Variants in TGFBR3 observed in about 807,000 individuals in gnomAD.
TGFBR3 encodes the protein transforming growth factor beta receptor type 3.
TGFBR3 carries 46 observed loss-of-function variants against 87.9 expected under a neutral mutation model. The observed-to-expected ratio is 0.52, with a 90% CI of 0.41 to 0.67. TGFBR3 has a LOEUF of 0.67. TGFBR3 is among the 30% of genes least tolerant of loss of function. The pLI is 0.00. For synonymous variants in TGFBR3, 381 were observed against 391.6 expected (o/e 0.97, Z 0.32); for missense variants, 866 against 1,041.9 (o/e 0.83, Z 2.32).
In TGFBR3 at chr1:91,680,542, A is replaced by G. The variant is rs1257375012; in HGVS notation, c.*3197T>C. 1 of 453,990 alleles carries G rather than the reference A, an allele frequency of 2.2e-6. No individual in the cohort carries two copies. The allele number at this position is 453,990 out of a possible 1,614,324, so 28.1% of individuals were successfully genotyped here. ...TCATAGATGATGAAAACCAGCAACA[A>G]AATCAGGCTCATTCAGGAAAAACCA... On this transcript the variant is annotated 3_prime_UTR_variant, in exon 17 of 17. Transcript: ENST00000212355.
chr1:91,796,456 G>A (rs1292371402), intron 3 of TGFBR3, among the ~76,000 whole-genome samples: 3 of 152,166 alleles, frequency 2.0e-5, no homozygotes, highest in Non-Finnish European at 4.4e-5. Flanking sequence ...CACCATCTCC[G>A]CTAATGTCAC....
chr1:91,812,529 T>C (rs750663589), intron 2 of TGFBR3, among the ~76,000 whole-genome samples: 7 of 152,254 alleles, frequency 4.6e-5, no homozygotes, highest in South Asian at 2.1e-4. Flanking sequence ...GCTGCCATTA[T>C]GAATACTAAT....
intron 2 of TGFBR3, among the ~76,000 whole-genome samples, chr1:91,815,184 C>T (rs1676171785): frequency 1.3e-5 from 2 of 152,050 alleles, no homozygotes; most frequent in South Asian, 4.1e-4. Flanking sequence ...GGCCTGTAAT[C>T]CCGGCTACTT....
At chr1:91,731,847 G>A (rs1672785341) in intron 5 of TGFBR3, among the ~76,000 whole-genome samples, 1 of 152,210 alleles carries the variant, frequency 6.6e-6, no homozygotes, top group Admixed American at 6.5e-5. Flanking sequence ...GAAGCCACTA[G>A]GAAAGGTCTA....
chr1:91,860,204 TC>T (rs1317482165), intron 2 of TGFBR3, among the ~76,000 whole-genome samples: 2 of 152,244 alleles, frequency 1.3e-5, no homozygotes, highest in African/African-American at 4.8e-5. Flanking sequence ...CCAAATTAAT[TC>T]TACCTCCAAG....
intron 4 of TGFBR3, among the ~76,000 whole-genome samples, chr1:91,744,991 T>C (rs1464896123): frequency 7.1e-6 from 1 of 141,554 alleles, no homozygotes; most frequent in Non-Finnish European, 1.5e-5. Context: ...AGAGGAAATC[T>C]GTTCCAGGAA....
intron 2 of TGFBR3, among the ~76,000 whole-genome samples, chr1:91,837,244 ATTT>A (rs1677098086): frequency 6.6e-6 from 1 of 150,786 alleles, no homozygotes; most frequent in Non-Finnish European, 1.5e-5. Context: ...TTATTTATTT[ATTT>A]ATTTAATTTT....
intron 3 of TGFBR3, among the ~76,000 whole-genome samples, chr1:91,764,558 G>C (rs1016659079): frequency 6.6e-6 from 1 of 152,052 alleles, no homozygotes; most frequent in African/African-American, 2.4e-5. Context: ...CCTTCCCAGA[G>C]CAGCCACAGC....
At chr1:91,893,514 C>G (rs181815790) in intron 2 of TGFBR3, among the ~76,000 whole-genome samples, 1 of 152,260 alleles carries the variant, frequency 6.6e-6, no homozygotes, top group African/African-American at 2.4e-5. Flanking sequence ...AACTCCTGAC[C>G]TCAAGTGATC....
chr1:91,771,710 A>G (rs1674385031), intron 3 of TGFBR3, among the ~76,000 whole-genome samples: 1 of 151,650 alleles, frequency 6.6e-6, no homozygotes, highest in African/African-American at 2.4e-5. Context: ...TGTCTCAAAA[A>G]AAAAAAAAAA....
chr1:91,853,280 A>G (rs1231998037), intron 2 of TGFBR3, among the ~76,000 whole-genome samples: 52 of 149,900 alleles, frequency 3.5e-4, no homozygotes, highest in Admixed American at 6.7e-4. Context: ...AAAAAAAAAA[A>G]AAGAAGAAGA....
intron 1 of TGFBR3, among the ~76,000 whole-genome samples, chr1:91,862,839 C>A (rs1258913974): frequency 6.6e-6 from 1 of 152,216 alleles, no homozygotes; most frequent in Non-Finnish European, 1.5e-5. Context: ...CGGGAGCCAT[C>A]TCACACACCT....
At chr1:91,856,429 G>T (rs1677958543) in intron 2 of TGFBR3, among the ~76,000 whole-genome samples, 1 of 151,926 alleles carries the variant, frequency 6.6e-6, no homozygotes, top group African/African-American at 2.4e-5. Flanking sequence ...GACCCACCCG[G>T]CCCCGACTGC....
intron 3 of TGFBR3, among the ~76,000 whole-genome samples, chr1:91,762,458 A>G (rs932555110): frequency 2.6e-5 from 4 of 152,186 alleles, no homozygotes; most frequent in Non-Finnish European, 1.5e-5. Flanking sequence ...CGCTGGTCTT[A>G]AGATGTCATC....
intron 2 of TGFBR3, among the ~76,000 whole-genome samples, chr1:91,822,408 C>T (rs1232981858): frequency 1.3e-5 from 2 of 151,222 alleles, no homozygotes; most frequent in African/African-American, 4.9e-5. Flanking sequence ...AAGTCAAATC[C>T]CTTTAGAATC....
intron 1 of TGFBR3, among the ~76,000 whole-genome samples, chr1:91,872,337 C>A (rs1571591710): frequency 6.6e-6 from 1 of 152,136 alleles, no homozygotes; most frequent in East Asian, 1.9e-4. Context: ...TGGGGTCCTG[C>A]CAATCCTGAC....
At chr1:91,703,154 A>T (rs1025448073) in intron 14 of TGFBR3, among the ~76,000 whole-genome samples, 2 of 152,130 alleles carry the variant, frequency 1.3e-5, no homozygotes, top group Admixed American at 6.5e-5. Context: ...TCAATTAAGC[A>T]TTTCTACCAT....
At chr1:91,867,237 G>A (rs1344736928) in intron 1 of TGFBR3, among the ~76,000 whole-genome samples, 1 of 152,232 alleles carries the variant, frequency 6.6e-6, no homozygotes, top group African/African-American at 2.4e-5. Flanking sequence ...GCCAGTGGCA[G>A]GAAAAGAAAG....
chr1:91,795,484 T>C (rs1675345056), intron 3 of TGFBR3, among the ~76,000 whole-genome samples: 1 of 152,206 alleles, frequency 6.6e-6, no homozygotes, highest in South Asian at 2.1e-4. Flanking sequence ...AGAGCTCTGC[T>C]GTCACTCCTC....
Sources: allele counts gnomAD v4.1 joint callset (sites outside exome capture counted in the v4.1 genomes callset), GRCh38; gene constraint gnomAD v4.1.1; transcripts MANE v1.5; gene names NCBI Gene and HGNC (gene_info 2026-07-23, HGNC 2026-07-21).